NBPF15: variants seen among roughly 807,000 people sequenced by gnomAD.
The protein encoded by NBPF15 is NBPF member 15, also known as NBPF family member NBPF15.
In NBPF15, 74 loss-of-function variants were observed where a neutral mutation model predicts 62.2. That is an observed-to-expected ratio of 1.19 (90% CI 0.99 to 1.44). The LOEUF (loss-of-function observed/expected upper bound fraction) is 1.44. Ranked by LOEUF, NBPF15 falls within the 40% of genes most tolerant of loss-of-function variation. The pLI, the probability that NBPF15 is intolerant of heterozygous loss-of-function variation, is 0.00. For missense variants in NBPF15, 790 were observed against 550.0 expected (o/e 1.44, Z -4.36); for synonymous variants, 244 against 209.7 (o/e 1.16, Z -1.41).
chr1:144,423,088 C>G lies in NBPF15; in HGVS notation c.1938G>C (p.Val646=), dbSNP rs781891184. ...CCGTCAAAGTAAAAAACCTATTGTC[C>G]ACGTAAAGGGCGAAGCTGATATGCT... ...EEEHISFALY[V]DNRFFTLTVT... The change falls in exon 22 of 22, where the codon GTG becomes GTC. Residue 646 remains valine, a synonymous_variant. Coordinates refer to ENST00000581897, the MANE Select transcript of NBPF15 (RefSeq NM_001385408.1). 4.3e-6 allele frequency: 7 copies of G among 1,611,442 alleles called. No homozygotes were observed. Among genetic ancestry groups the G allele is most frequent in the Non-Finnish European group, 5.9e-6 (7 of 1,179,630 alleles).
At chr1:144,451,332 ACACCGAGACATTC>A (rs1553545446) in intron 4 of NBPF15, among the ~76,000 whole-genome samples, 2 of 151,166 alleles carry the variant, frequency 1.3e-5, no homozygotes, top group East Asian at 3.9e-4. Context: ...ATCGGGCTTT[ACACCGAGACATTC>A]CATTGCCCAG....
At chr1:144,432,207 C>T (rs1390050994) in intron 13 of NBPF15, among the ~76,000 whole-genome samples, 2 of 151,914 alleles carry the variant, frequency 1.3e-5, no homozygotes, top group African/African-American at 2.4e-5. Context: ...TCCAGCCAAA[C>T]AAAGCTTCAT....
At chr1:144,430,144 G>A (rs1553540036) in intron 13 of NBPF15, among the ~76,000 whole-genome samples, 2 of 148,504 alleles carry the variant, frequency 1.3e-5, no homozygotes, top group Admixed American at 6.7e-5. Context: ...ATGACTTGCA[G>A]CACAGAGAAC....
intron 20 of NBPF15, 77 bp downstream of exon 20, chr1:144,424,613 G>C: frequency 3.0e-6 from 2 of 659,390 alleles, no homozygotes; most frequent in Non-Finnish European, 5.4e-6. Flanking sequence ...GCTCAGTAAT[G>C]GCCAATTGGA....
rs587734011 is a variant in NBPF15, at chr1:144,432,381, T to C, written c.824+1392A>G. ...GCCAAACTGTAAAGACCATTGACGC[T>C]AGGAAGAAACTGCATCAACTAACGG... On this transcript the variant is annotated intron_variant, in intron 13 of 21. Coordinates refer to ENST00000581897, the MANE Select transcript of NBPF15 (RefSeq NM_001385408.1). Among the ~76,000 whole-genome samples, 398 of 152,044 alleles carry C rather than the reference T, an allele frequency of 2.6e-3. 3 individuals carry two copies. The highest frequency in any genetic ancestry group is 4.5e-3 in the Non-Finnish European group (303 of 67,968).
At position 144,423,866 on chromosome 1, in the gene NBPF15, T is replaced by C. The variant is rs1340714365; in HGVS notation, c.1769+4A>G. The C allele has an allele frequency of 1.2e-5, 9 of 767,876 alleles. No individual in the cohort carries two copies. Among genetic ancestry groups the C allele is most frequent in the Non-Finnish European group, 1.9e-5 (8 of 421,108 alleles). 47.6% of individuals were successfully genotyped at this position (767,876 alleles called of 1,614,324 possible). Reference sequence around the variant, plus strand: ...ATTAAGCATCCACAATTGCTGAAAGTTACCTGGGGCATGGTGGGTTGTCAT... The same window carrying C: ...ATTAAGCATCCACAATTGCTGAAAGCTACCTGGGGCATGGTGGGTTGTCAT... On this transcript the variant is annotated splice_donor_region_variant and intron_variant, in intron 21 of 21. Transcript: ENST00000581897.
chr1:144,452,490 G>A (rs1691819531), intron 4 of NBPF15, among the ~76,000 whole-genome samples: 1 of 151,458 alleles, frequency 6.6e-6, no homozygotes, highest in South Asian at 2.1e-4. Flanking sequence ...ATTCTATTCA[G>A]ACCCAGTCAT....
rs587681501 is a variant in NBPF15, at chr1:144,440,256, A to G, written c.-151T>C. The stretch of plus-strand genomic sequence containing the variant: ...CACTGTCAGTAGCGCAGACTCTGAT[A>G]AGAGTGAGGTAGATTGTGGCCAGCG... On this transcript the variant is annotated 5_prime_UTR_variant, in exon 7 of 22. Coordinates refer to ENST00000581897, the MANE Select transcript of NBPF15 (RefSeq NM_001385408.1). 6,173 of 1,510,634 alleles carry G rather than the reference A, an allele frequency of 4.1e-3. 80 individuals carry two copies. The highest frequency in any genetic ancestry group is 0.012 in the South Asian group (992 of 83,004). 93.6% of individuals were successfully genotyped at this position (1,510,634 alleles called of 1,614,324 possible).
chr1:144,434,469 C>G (rs1433504975), intron 12 of NBPF15, among the ~76,000 whole-genome samples: 19 of 146,784 alleles, frequency 1.3e-4, no homozygotes, highest in Admixed American at 9.6e-4. Context: ...CCACTGCACT[C>G]CAGCCTGGGT....
At chr1:144,425,668 G>A (rs1464644666) in intron 18 of NBPF15, 100 bp from the exon 19 acceptor site, 4 of 606,124 alleles carry the variant, frequency 6.6e-6, no homozygotes, top group African/African-American at 2.4e-5. Context: ...AGGCTTCTCA[G>A]CATGAGAACA....
intron 13 of NBPF15, among the ~76,000 whole-genome samples, chr1:144,432,486 A>G (rs1675096384): frequency 1.3e-5 from 2 of 152,018 alleles, no homozygotes; most frequent in African/African-American, 2.4e-5. Flanking sequence ...AATGGGCTAA[A>G]TGCCCCAGTT....
At chr1:144,455,393 A>T (rs1213658185) in intron 4 of NBPF15, among the ~76,000 whole-genome samples, 2 of 152,048 alleles carry the variant, frequency 1.3e-5, no homozygotes, top group African/African-American at 4.8e-5. Flanking sequence ...CTAACTAGTT[A>T]TTGGAGACAG....
chr1:144,458,699 C>T (rs1650048015), intron 3 of NBPF15, among the ~76,000 whole-genome samples: 1 of 151,800 alleles, frequency 6.6e-6, no homozygotes, highest in South Asian at 2.1e-4. Context: ...AAAGGATAGT[C>T]TTTTCAATAA....
chr1:144,428,911 C>T (rs1672077345), intron 14 of NBPF15, among the ~76,000 whole-genome samples: 1 of 152,002 alleles, frequency 6.6e-6, no homozygotes, highest in Non-Finnish European at 1.5e-5. Flanking sequence ...GGTTTATGTA[C>T]ACAAATGAGC....
Position 144,427,969 on chromosome 1 carries a change from A to C in NBPF15, c.1062T>G (p.Asp354Glu). ...TGPRLSRELL[D>E]EKEPEVLQDS... ...CCTGCAAGACTTCAGGCTCTTTCTC[A>C]TCCAGCAGCTCCCTGCTGAGCCTGG... The change falls in exon 16 of 22, where the codon GAT becomes GAG. Residue 354 changes from aspartate to glutamate, a missense_variant. Transcript: ENST00000581897. The C allele has an allele frequency of 2.6e-6, 2 of 778,348 alleles. No individual in the cohort carries two copies. The highest frequency in any genetic ancestry group is 3.6e-4 in the Middle Eastern group (1 of 2,814). The allele number at this position is 778,348 out of a possible 1,614,324, so 48.2% of individuals were successfully genotyped here.
intron 6 of NBPF15, among the ~76,000 whole-genome samples, chr1:144,441,805 T>C (rs1683083013): frequency 6.6e-6 from 1 of 151,262 alleles, no homozygotes; most frequent in Non-Finnish European, 1.5e-5. Flanking sequence ...GAGTGGTTAA[T>C]ATTAACTTTT....
chr1:144,422,850 AG>A lies in NBPF15; in HGVS notation c.*162del. 2 of 1,546,986 alleles carry A rather than the reference AG, an allele frequency of 1.3e-6. No individual in the cohort carries two copies. The highest frequency in any genetic ancestry group is 2.5e-5 in the South Asian group (2 of 80,448). On this transcript the variant is annotated 3_prime_UTR_variant, in exon 22 of 22. Transcript: ENST00000581897. ...ACATGGGTCCATTGTCTTCAGATTG[AG>A]CACAGGTTGCCAATGGCATGGTTTG...
chr1:144,437,461 C>T (rs782024685), intron 9 of NBPF15, among the ~76,000 whole-genome samples: 4 of 145,074 alleles, frequency 2.8e-5, no homozygotes, highest in African/African-American at 7.8e-5. Context: ...CTTGCGGCCA[C>T]TAGATACAAA....
In NBPF15 at chr1:144,422,643, T is replaced by G. The variant is rs2101450553; in HGVS notation, c.*370A>C. On this transcript the variant is annotated 3_prime_UTR_variant, in exon 22 of 22. Transcript: ENST00000581897. ...GTTCATTGAAACCAGGGTAACACCT[T>G]TGGATGAGCTAAACACAAAGATGAC... The G allele has an allele frequency of 2.7e-6, 1 of 374,974 alleles. No individual in the cohort carries two copies. The allele number at this position is 374,974 out of a possible 1,614,324, so 23.2% of individuals were successfully genotyped here. A position where few individuals can be genotyped will look rare whatever the true frequency, so the allele number is the denominator to read the frequency against.
Sources: allele counts gnomAD v4.1 joint callset (sites outside exome capture counted in the v4.1 genomes callset), GRCh38; gene constraint gnomAD v4.1.1; transcripts MANE v1.5; gene names NCBI Gene and HGNC (gene_info 2026-07-23, HGNC 2026-07-21).